The following ELL variants were observed in gnomAD, a reference collection of about 807,000 sequenced individuals.
ELL encodes RNA polymerase II elongation factor ELL.
A neutral mutation model predicts 64.0 loss-of-function variants in ELL; 18 were observed. That is an observed-to-expected ratio of 0.28 (90% CI 0.19 to 0.42). The LOEUF (loss-of-function observed/expected upper bound fraction) is 0.42, where lower values mean the gene tolerates loss of function less well. ELL is among the 10% of genes least tolerant of loss of function. ELL has a pLI of 1.00. For missense variants in ELL, 797 were observed against 870.4 expected, an observed-to-expected ratio of 0.92 and a Z score of 1.06; for synonymous variants, 399 against 376.2, an observed-to-expected ratio of 1.06 and a Z score of -0.70.
intron 1 of ELL, among the ~76,000 whole-genome samples, chr19:18,520,918 G>C (rs1274683019): frequency 1.3e-5 from 2 of 151,950 alleles, no homozygotes; most frequent in African/African-American, 4.8e-5. Context: ...AGCACAGACG[G>C]GGGGAGGGGG....
intron 1 of ELL, among the ~76,000 whole-genome samples, chr19:18,482,598 G>A (rs139507540): frequency 0.012 from 1,850 of 152,032 alleles, 42 homozygotes; most frequent in African/African-American, 0.042. Flanking sequence ...CCAAAATGCT[G>A]GGATTACAGG....
intron 4 of ELL, 147 bp downstream of exon 4, chr19:18,465,265 G>GCA (rs767937592): frequency 2.5e-5 from 30 of 1,177,540 alleles, no homozygotes; most frequent in Non-Finnish European, 3.3e-5. Flanking sequence ...TCTGGTCCAG[G>GCA]CACGTCCTGC....
Position 18,465,738 on chromosome 19 carries a change from G to C in ELL, c.305+59C>G, listed in dbSNP as rs1974920204. The C allele has an allele frequency of 4.9e-6, 7 of 1,431,982 alleles. No individual in the cohort carries two copies. The Admixed American group carries it at 1.9e-4, about 38-fold the overall frequency. 88.7% of individuals were successfully genotyped at this position (1,431,982 alleles called of 1,614,324 possible). On this transcript the variant is annotated intron_variant, in intron 3 of 11. Coordinates refer to ENST00000262809, the MANE Select transcript of ELL (RefSeq NM_006532.4). ...TGGGGCACATCTCAACCCTGGGCCAGAGGTGGCAGGGTGACCTCAAGAGCC... is the reference window on the plus strand; with the variant it reads ...TGGGGCACATCTCAACCCTGGGCCACAGGTGGCAGGGTGACCTCAAGAGCC...
intron 1 of ELL, among the ~76,000 whole-genome samples, chr19:18,520,251 T>C (rs1568403846): frequency 2.0e-5 from 3 of 152,076 alleles, no homozygotes; most frequent in African/African-American, 4.8e-5. Context: ...ATCGTAGTTA[T>C]ATGACTCACG....
chr19:18,515,508 C>T (rs920604306), intron 1 of ELL, among the ~76,000 whole-genome samples: 1 of 152,264 alleles, frequency 6.6e-6, no homozygotes, highest in African/African-American at 2.4e-5. Flanking sequence ...CATATCCTCA[C>T]CTAAGAAATG....
At chr19:18,448,940 G>A (rs1974470316) in intron 8 of ELL, 1 of 152,190 alleles carries the variant, frequency 6.6e-6, no homozygotes, top group South Asian at 2.1e-4. Flanking sequence ...CACGGGCACA[G>A]GACAGCTAAG....
chr19:18,457,878 T>TGTGGAGGGAAGC (rs1266189485), intron 6 of ELL, among the ~76,000 whole-genome samples: 3 of 152,142 alleles, frequency 2.0e-5, no homozygotes, highest in African/African-American at 2.4e-5. Flanking sequence ...ATGCCCAGGT[T>TGTGGAGGGAAGC]GTGGAGGGAA....
intron 2 of ELL, among the ~76,000 whole-genome samples, chr19:18,467,370 AG>A (rs778008355): frequency 1.3e-5 from 2 of 152,042 alleles, no homozygotes; most frequent in Non-Finnish European, 2.9e-5. Context: ...CCCCTAAGGC[AG>A]GTGCCCTTGT....
At chr19:18,504,245 C>G (rs1226042318) in intron 1 of ELL, among the ~76,000 whole-genome samples, 1 of 152,244 alleles carries the variant, frequency 6.6e-6, no homozygotes, top group East Asian at 1.9e-4. Flanking sequence ...CAAAGGGCAT[C>G]TGTCAGCCAT....
rs541853276 is a variant in ELL at position 18,450,895 on chromosome 19, C to G, written c.1047G>C (p.Gln349His). 6 of 1,564,638 alleles carry G rather than the reference C, an allele frequency of 3.8e-6. No individual in the cohort carries two copies. The South Asian group carries it at 7.0e-5, about 18-fold the overall frequency. ...CGCCCAGCTTCCCGTTGACGGCAGGCTGAGCTCTCTGAGTGAAGTGCGATA... is the reference window on the plus strand; with the variant it reads ...CGCCCAGCTTCCCGTTGACGGCAGGGTGAGCTCTCTGAGTGAAGTGCGATA... ...PRISHFTQRA[Q>H]PAVNGKLGVP... Residue 349 changes from glutamine to histidine, a missense_variant, in exon 8 of 12, where the codon CAG (glutamine) becomes CAC (histidine). By Grantham distance (24) the Gln-to-His change is conservative. Coordinates refer to ENST00000262809, the MANE Select transcript of ELL (RefSeq NM_006532.4).
At chr19:18,451,445 C>T (rs1974533640) in intron 7 of ELL, 107 bp downstream of exon 7, 3 of 1,054,364 alleles carry the variant, frequency 2.8e-6, no homozygotes, top group South Asian at 2.0e-5. Flanking sequence ...CAACTTGGAG[C>T]AGCTCATGCT....
intron 1 of ELL, among the ~76,000 whole-genome samples, chr19:18,504,473 T>A (rs1345154708): frequency 6.6e-6 from 1 of 152,190 alleles, no homozygotes; most frequent in African/African-American, 2.4e-5. Flanking sequence ...CCCTGTCACG[T>A]TCATCTCTGC....
intron 1 of ELL, among the ~76,000 whole-genome samples, chr19:18,520,492 G>C (rs920818635): frequency 4.1e-4 from 62 of 152,064 alleles, no homozygotes; most frequent in African/African-American, 1.4e-3. Context: ...AAAAAAAAAT[G>C]AAATCCTCAT....
chr19:18,510,859 C>T (rs1330262444), intron 1 of ELL, among the ~76,000 whole-genome samples: 1 of 152,184 alleles, frequency 6.6e-6, no homozygotes, highest in African/African-American at 2.4e-5. Flanking sequence ...CAGTGTCTCA[C>T]ACCTCTAATC....
chr19:18,451,081 C>G (rs912739178), intron 7 of ELL, 106 bp from the exon 8 acceptor site: 2 of 1,385,432 alleles, frequency 1.4e-6, no homozygotes, highest in East Asian at 2.6e-5. Context: ...GCAAGGCCCA[C>G]GCTGGCCACA....
intron 6 of ELL, among the ~76,000 whole-genome samples, chr19:18,454,392 G>A (rs906938257): frequency 1.3e-5 from 2 of 152,072 alleles, no homozygotes; most frequent in Non-Finnish European, 2.9e-5. Flanking sequence ...CCAGCTACTC[G>A]CGAGGCTGAG....
chr19:18,477,475 A>G (rs1422851984), intron 1 of ELL, among the ~76,000 whole-genome samples: 1 of 152,132 alleles, frequency 6.6e-6, no homozygotes, highest in African/African-American at 2.4e-5. Context: ...CACAGACCCA[A>G]GAAGCCTTGT....
intron 2 of ELL, 97 bp from the exon 3 acceptor site, chr19:18,466,015 C>T (rs1974928787): frequency 8.6e-7 from 1 of 1,159,118 alleles, no homozygotes; most frequent in East Asian, 3.2e-5. Context: ...GCAACCCTCA[C>T]AACAGGAATG....
chr19:18,488,322 G>C (rs1975459707), intron 1 of ELL, among the ~76,000 whole-genome samples: 1 of 152,228 alleles, frequency 6.6e-6, no homozygotes, highest in South Asian at 2.1e-4. Flanking sequence ...CTCCCCACCA[G>C]CAGCATAGAA....
Sources: gnomAD v4.1 joint callset for allele counts (sites outside exome capture counted in the v4.1 genomes callset) on GRCh38, gnomAD v4.1.1 for gene constraint, MANE v1.5 for transcripts, NCBI Gene and HGNC (gene_info 2026-07-23, HGNC 2026-07-21) for gene names.